MTA3: variants seen among roughly 807,000 people sequenced by gnomAD.
MTA3 encodes the protein metastasis associated 1 family member 3, also known as metastasis-associated protein MTA3.
MTA3 carries 34 observed loss-of-function variants against 83.5 expected under a neutral mutation model. The ratio of observed to expected loss-of-function variants is 0.41; its 90% CI spans 0.31 to 0.54. MTA3 has a LOEUF of 0.54. Ranked by LOEUF, MTA3 falls within the 20% of genes least tolerant of loss-of-function variation. The pLI, the probability that MTA3 is intolerant of heterozygous loss-of-function variation, is 0.33. For synonymous variants in MTA3, 303 were observed against 252.7 expected (o/e 1.20, Z -1.89); for missense variants, 761 against 726.4 (o/e 1.05, Z -0.55).
intron 2 of MTA3, among the ~76,000 whole-genome samples, chr2:42,505,659 G>A (rs935348165): frequency 6.6e-6 from 1 of 151,818 alleles, no homozygotes; most frequent in African/African-American, 2.4e-5. Flanking sequence ...TTCATATCAT[G>A]AAATATTTAA....
At chr2:42,643,217 TC>T (rs937443237) in intron 5 of MTA3, among the ~76,000 whole-genome samples, 1 of 152,174 alleles carries the variant, frequency 6.6e-6, no homozygotes, top group African/African-American at 2.4e-5. Flanking sequence ...TGACAGATTA[TC>T]TTTTATTTGC....
intron 2 of MTA3, among the ~76,000 whole-genome samples, chr2:42,563,454 C>G (rs1389976877): frequency 6.6e-6 from 1 of 152,158 alleles, no homozygotes; most frequent in Non-Finnish European, 1.5e-5. Flanking sequence ...AGCCACTGCA[C>G]GGACCAACCA....
chr2:42,609,645 C>A, intron 4 of MTA3, 61 bp downstream of exon 4: 3 of 1,515,280 alleles, frequency 2.0e-6, no homozygotes, highest in Non-Finnish European at 2.7e-6. Context: ...CAAAAGACTT[C>A]TTTGAAGCGT....
intron 6 of MTA3, among the ~76,000 whole-genome samples, chr2:42,645,965 C>T (rs567874306): frequency 6.6e-6 from 1 of 152,308 alleles, no homozygotes; most frequent in South Asian, 2.1e-4. Context: ...CTTCAAAGGA[C>T]AGCCTGACTC....
Position 42,743,828 on chromosome 2 carries a change from T to C in MTA3, c.1760-9546T>C, listed in dbSNP as rs1659247856. ...GTGAGCTCTGGGAATGCATCTGCTC[T>C]CTTCACGAATTCCAAAAAAAATAGA... is the stretch of plus-strand genomic sequence containing the variant. On this transcript the variant is annotated intron_variant, in intron 16 of 16. Coordinates refer to ENST00000405094, the MANE Select transcript of MTA3 (RefSeq NM_001330442.2). 2.0e-5 allele frequency among the ~76,000 whole-genome samples: 3 copies of C among 152,108 alleles called. No homozygotes were observed. In the South Asian group the frequency reaches 6.2e-4, roughly 32 times the overall value.
chr2:42,554,680 C>T lies in MTA3; in HGVS notation c.-140-15757C>T, dbSNP rs141809894. On this transcript the variant is annotated intron_variant, in intron 2 of 17. Coordinates refer to the MTA3 transcript ENST00000405592. ...ACATGAAAATCTCCTTTTGAGATCT[C>T]CTCTTTCCTCAAATCTGGAGGGTGG... Among the ~76,000 whole-genome samples, 15 of 152,236 alleles carry T rather than the reference C, an allele frequency of 9.9e-5. No individual in the cohort carries two copies. In the East Asian group the frequency reaches 2.7e-3, roughly 27 times the overall value.
In MTA3 at chr2:42,609,604, T is replaced by C; in HGVS notation, c.317+20T>C. On this transcript the variant is annotated intron_variant, in intron 4 of 16. Coordinates refer to ENST00000405094, the MANE Select transcript of MTA3 (RefSeq NM_001330442.2). ...TATCAGGTAAGAACTTTTTAGGAAC[T>C]AAGGTACTCAGTACTACGGTGACCA... 6.2e-7 allele frequency: 1 copy of C among 1,612,302 alleles called. No homozygotes were observed. The highest frequency in any genetic ancestry group is 8.5e-7 in the Non-Finnish European group (1 of 1,179,032).
intron 4 of MTA3, among the ~76,000 whole-genome samples, chr2:42,618,638 C>G (rs574009008): frequency 1.3e-5 from 2 of 151,710 alleles, no homozygotes; most frequent in Non-Finnish European, 2.9e-5. Context: ...AACAGAGTCT[C>G]GCTCTGTTGC....
intron 15 of MTA3, among the ~76,000 whole-genome samples, chr2:42,721,723 G>T (rs889882102): frequency 1.3e-5 from 2 of 152,118 alleles, no homozygotes; most frequent in African/African-American, 4.8e-5. Context: ...ATTCGAATAG[G>T]TAGAAAAATA....
At position 42,682,385 on chromosome 2, in the gene MTA3, C is replaced by G. The variant is rs773677810; in HGVS notation, c.703-16C>G. On this transcript the variant is annotated splice_polypyrimidine_tract_variant and intron_variant, in intron 8 of 16. Coordinates refer to ENST00000405094, the MANE Select transcript of MTA3 (RefSeq NM_001330442.2). ...GCATTTCTGGTTGATATTTTCTGTT[C>G]ATTTTGTTTCTTTAGTTTCACGCTA... The G allele has an allele frequency of 5.8e-6, 9 of 1,541,118 alleles. No individual in the cohort carries two copies. The highest frequency in any genetic ancestry group is 7.9e-6 in the Non-Finnish European group (9 of 1,136,640).
At chr2:42,542,091 C>G (rs1676543102) in intron 2 of MTA3, among the ~76,000 whole-genome samples, 1 of 152,168 alleles carries the variant, frequency 6.6e-6, no homozygotes, top group Non-Finnish European at 1.5e-5. Flanking sequence ...ATTCTGCTTT[C>G]TTTGCAAATG....
rs1434266221 is a variant in MTA3, at chr2:42,639,436, T to C, written c.318-737T>C. Among the ~76,000 whole-genome samples the C allele has an allele frequency of 8.5e-5, 13 of 152,152 alleles. 1 individual carries two copies. The highest frequency in any genetic ancestry group is 1.9e-4 in the Non-Finnish European group (13 of 68,034). On this transcript the variant is annotated intron_variant, in intron 4 of 16. Coordinates refer to ENST00000405094, the MANE Select transcript of MTA3 (RefSeq NM_001330442.2). The stretch of plus-strand genomic sequence containing the variant: ...AGTTATACGGATTTTTTTAGGCTAG[T>C]TAGGGTCATTTTGAAAGTGCTCGTA...
intron 5 of MTA3, among the ~76,000 whole-genome samples, chr2:42,643,855 A>T (rs993271420): frequency 6.6e-6 from 1 of 152,188 alleles, no homozygotes; most frequent in Non-Finnish European, 1.5e-5. Flanking sequence ...TGCTTTAGAG[A>T]GCAAATGGTT....
intron 4 of MTA3, among the ~76,000 whole-genome samples, chr2:42,609,899 G>C (rs1443715692): frequency 6.6e-6 from 1 of 152,152 alleles, no homozygotes; most frequent in Non-Finnish European, 1.5e-5. Context: ...AGGAATTCGA[G>C]ACCAGCCTGG....
intron 2 of MTA3, among the ~76,000 whole-genome samples, chr2:42,563,065 C>A (rs190327585): frequency 6.6e-6 from 1 of 152,086 alleles, no homozygotes; most frequent in Non-Finnish European, 1.5e-5. Context: ...CTTATCATAA[C>A]CCACTGCCTC....
intron 2 of MTA3, among the ~76,000 whole-genome samples, chr2:42,521,062 C>G (rs1277947778): frequency 6.6e-6 from 1 of 152,194 alleles, no homozygotes; most frequent in African/African-American, 2.4e-5. Context: ...GTGTAATCAC[C>G]TCCCCTTGAG....
chr2:42,682,294 A>T, intron 8 of MTA3, 107 bp from the exon 9 acceptor site: 2 of 737,386 alleles, frequency 2.7e-6, no homozygotes, highest in Non-Finnish European at 4.0e-6. Context: ...AAAATAAATA[A>T]GTATATTGTT....
chr2:42,710,221 CTT>C (rs988682054), intron 14 of MTA3, among the ~76,000 whole-genome samples: 3 of 152,094 alleles, frequency 2.0e-5, no homozygotes, highest in African/African-American at 4.8e-5. Context: ...GGCTTTAAAA[CTT>C]AAGTAGCAGC....
chr2:42,646,283 A>G (rs1318424102), intron 6 of MTA3, among the ~76,000 whole-genome samples: 3 of 152,250 alleles, frequency 2.0e-5, no homozygotes, highest in South Asian at 2.1e-4. Context: ...TGTTGTTTGC[A>G]TGACTGCTGA....
Sources: allele counts gnomAD v4.1 joint callset (sites outside exome capture counted in the v4.1 genomes callset), GRCh38; gene constraint gnomAD v4.1.1; transcripts MANE v1.5; gene names NCBI Gene and HGNC (gene_info 2026-07-23, HGNC 2026-07-21).